Variants in AFF2 observed in about 807,000 individuals in gnomAD.
AFF2 encodes AF4/FMR2 family member 2.
AFF2 carries 14 observed loss-of-function variants against 76.9 expected under a neutral mutation model. That is an observed-to-expected ratio of 0.18 (90% CI 0.12 to 0.28). AFF2 has a LOEUF of 0.28. Ranked by LOEUF, AFF2 falls within the 10% of genes least tolerant of loss-of-function variation. The pLI is 1.00. For synonymous variants in AFF2, 398 were observed against 366.7 expected, an observed-to-expected ratio of 1.09 and a Z score of -0.98; for missense variants, 868 against 1,001.1, an observed-to-expected ratio of 0.87 and a Z score of 1.79.
At chrX:148,950,552 C>T (rs781934737) in intron 9 of AFF2, among the ~76,000 whole-genome samples, 220 of 111,888 alleles carry the variant, frequency 2.0e-3, no homozygotes, top group African/African-American at 6.7e-3. Context: ...CCTTCTTATC[C>T]CCATATCTGT....
intron 7 of AFF2, among the ~76,000 whole-genome samples, chrX:148,881,440 G>A (rs1216374471): frequency 9.0e-6 from 1 of 110,562 alleles, no homozygotes; most frequent in African/African-American, 3.3e-5. Context: ...CAGAACATCG[G>A]GACCACTCAT....
chrX:148,937,617 C>T (rs1557285151), intron 9 of AFF2, among the ~76,000 whole-genome samples: 1 of 111,770 alleles, frequency 8.9e-6, no homozygotes, highest in Non-Finnish European at 1.9e-5. Context: ...CAAGCTTGTA[C>T]AAACAAGCGC....
intron 20 of AFF2, among the ~76,000 whole-genome samples, chrX:148,987,983 G>A (rs1307683003): frequency 8.9e-6 from 1 of 111,913 alleles, no homozygotes; most frequent in Non-Finnish European, 1.9e-5. Flanking sequence ...TTGAGTACAC[G>A]ATAACGCAGC....
chrX:148,520,362 A>T (rs1436262598), intron 1 of AFF2, among the ~76,000 whole-genome samples: 1 of 112,111 alleles, frequency 8.9e-6, no homozygotes, highest in Non-Finnish European at 1.9e-5. Flanking sequence ...GCCGCTTTCC[A>T]TGAAAAAGTC....
Position 148,997,118 on chromosome X carries a change from A to G in AFF2, c.*5786A>G, listed in dbSNP as rs1557293362. The G allele has an allele frequency of 8.9e-6, 1 of 112,374 alleles. No individual in the cohort carries two copies. Among genetic ancestry groups the G allele is most frequent in the Non-Finnish European group, 1.9e-5 (1 of 53,247 alleles). The allele number at this position is 112,374 out of a possible 1,213,427, so 9.3% of individuals were successfully genotyped here. On this transcript the variant is annotated 3_prime_UTR_variant, in exon 21 of 21. Coordinates refer to ENST00000370460, the MANE Select transcript of AFF2 (RefSeq NM_002025.4). ...TGTTTTTAGTTAAAAGTATCTACTT[A>G]CTGTTTTAGCTCTGAACTCAAACCA...
intron 1 of AFF2, among the ~76,000 whole-genome samples, chrX:148,629,652 A>G (rs1334830695): frequency 8.9e-6 from 1 of 111,940 alleles, no homozygotes; most frequent in Non-Finnish European, 1.9e-5. Context: ...GGGCCCACTT[A>G]GAATCACAAG....
chrX:148,715,438 A>G (rs781912482), intron 3 of AFF2, among the ~76,000 whole-genome samples: 13 of 106,508 alleles, frequency 1.2e-4, no homozygotes, highest in Non-Finnish European at 1.7e-4. Context: ...GCTGGCACAC[A>G]CAGACATACA....
chrX:148,846,074 C>T (rs1330031459), intron 7 of AFF2, among the ~76,000 whole-genome samples: 2 of 112,106 alleles, frequency 1.8e-5, no homozygotes, highest in Non-Finnish European at 3.8e-5. Flanking sequence ...ACTAGCCAGT[C>T]TCCCTCTTTC....
chrX:148,595,850 T>C (rs782620047), intron 1 of AFF2, among the ~76,000 whole-genome samples: 7 of 111,880 alleles, frequency 6.3e-5, no homozygotes, highest in Non-Finnish European at 1.1e-4. Context: ...AGGAAGTCAA[T>C]AGATAATACC....
chrX:148,996,631 G>T lies in AFF2; in HGVS notation c.*5299G>T, dbSNP rs2072603611. 2.7e-5 allele frequency: 3 copies of T among 112,157 alleles called. No individual in the cohort carries two copies. The highest frequency in any genetic ancestry group is 1.9e-4 in the Admixed American group (2 of 10,653). The allele number at this position is 112,157 out of a possible 1,213,427, so 9.2% of individuals were successfully genotyped here. A position where few individuals can be genotyped will look rare whatever the true frequency, so the allele number is the denominator to read the frequency against. ...AAACAATTACATAGTTTTAAGATAT[G>T]AATCAATGTGTGAATGTAGAAAGCT... On this transcript the variant is annotated 3_prime_UTR_variant, in exon 21 of 21. Coordinates refer to ENST00000370460, the MANE Select transcript of AFF2 (RefSeq NM_002025.4).
chrX:148,644,321 G>A (rs1447466801), intron 1 of AFF2, among the ~76,000 whole-genome samples: 4 of 111,389 alleles, frequency 3.6e-5, no homozygotes, highest in African/African-American at 3.3e-5. Flanking sequence ...GACCAAGAGG[G>A]TGGCCTCTGG....
intron 3 of AFF2, among the ~76,000 whole-genome samples, chrX:148,783,697 C>G (rs2069774894): frequency 9.0e-6 from 1 of 111,669 alleles, no homozygotes; most frequent in African/African-American, 3.3e-5. Flanking sequence ...TAGAAGGAAG[C>G]ATTGCCTTGG....
At chrX:148,601,445 C>CG (rs1229344548) in intron 1 of AFF2, among the ~76,000 whole-genome samples, 1 of 111,503 alleles carries the variant, frequency 9.0e-6, no homozygotes. Flanking sequence ...CTTTAAGAAA[C>CG]AAAAGTCCAG....
chrX:148,656,314 G>A (rs2054250744), intron 2 of AFF2, among the ~76,000 whole-genome samples: 1 of 111,217 alleles, frequency 9.0e-6, no homozygotes, highest in Non-Finnish European at 1.9e-5. Flanking sequence ...ACTTGTCTAG[G>A]TTAGTGCACT....
At chrX:148,737,146 T>G (rs1332170164) in intron 3 of AFF2, among the ~76,000 whole-genome samples, 5 of 111,552 alleles carry the variant, frequency 4.5e-5, no homozygotes, top group African/African-American at 1.6e-4. Context: ...TTTCTAATTC[T>G]GTGAAGCATG....
At chrX:148,718,948 C>A in intron 3 of AFF2, 1 of 502,184 alleles carries the variant, frequency 2.0e-6, no homozygotes, top group Non-Finnish European at 3.0e-6. Context: ...TTTGAGTATT[C>A]AGGTGTCTAA....
intron 3 of AFF2, among the ~76,000 whole-genome samples, chrX:148,675,051 C>T (rs1421781726): frequency 9.0e-6 from 1 of 111,729 alleles, no homozygotes; most frequent in East Asian, 2.8e-4. Flanking sequence ...GTTAGGTGTC[C>T]ATGTGTCTCT....
intron 1 of AFF2, among the ~76,000 whole-genome samples, chrX:148,585,840 CAA>C (rs1194523651): frequency 2.0e-4 from 5 of 25,535 alleles, no homozygotes; most frequent in Non-Finnish European, 2.1e-4. Context: ...GACTGCGTCT[CAA>C]AAAAAAAAAA....
intron 8 of AFF2, among the ~76,000 whole-genome samples, chrX:148,888,072 AG>A (rs1367795352): frequency 7.1e-5 from 8 of 112,173 alleles, no homozygotes; most frequent in African/African-American, 1.3e-4. Flanking sequence ...ACCATTTTAA[AG>A]TGTTCAATTC....
Sources: allele counts gnomAD v4.1 joint callset (sites outside exome capture counted in the v4.1 genomes callset), GRCh38; gene constraint gnomAD v4.1.1; transcripts MANE v1.5; gene names NCBI Gene and HGNC (gene_info 2026-07-23, HGNC 2026-07-21).